ANTXR1: variants seen among roughly 807,000 people sequenced by gnomAD.
ANTXR1 encodes ANTXR cell adhesion molecule 1.
Under a neutral mutation model 78.1 loss-of-function variants are expected in ANTXR1, and 19 were observed. The observed-to-expected ratio is 0.24, with a 90% CI of 0.17 to 0.36. The LOEUF (loss-of-function observed/expected upper bound fraction) is 0.36, where lower values mean the gene tolerates loss of function less well. ANTXR1 is among the 10% of genes least tolerant of loss of function. The pLI is 1.00. For missense variants in ANTXR1, 518 were observed against 718.6 expected, an observed-to-expected ratio of 0.72 and a Z score of 3.19; for synonymous variants, 273 against 260.5, an observed-to-expected ratio of 1.05 and a Z score of -0.46.
intron 12 of ANTXR1, among the ~76,000 whole-genome samples, chr2:69,129,817 A>G (rs10166193): frequency 0.21 from 31,983 of 152,048 alleles, 4,593 homozygotes; most frequent in African/African-American, 0.4. Flanking sequence ...TGTAAATGCC[A>G]TAGGATTTCA....
At chr2:69,031,499 C>G (rs1026164509) in intron 1 of ANTXR1, among the ~76,000 whole-genome samples, 1 of 152,204 alleles carries the variant, frequency 6.6e-6, no homozygotes, top group African/African-American at 2.4e-5. Context: ...CCTCACTGCA[C>G]AGTCTAATTA....
chr2:69,102,751 G>A, intron 9 of ANTXR1, 91 bp from the exon 10 acceptor site: 1 of 1,318,286 alleles, frequency 7.6e-7, no homozygotes, highest in Non-Finnish European at 1.1e-6. Context: ...TAAGCCTGGT[G>A]AAATAGTGAA....
intron 17 of ANTXR1, among the ~76,000 whole-genome samples, chr2:69,215,140 T>TGTG (rs1553376346): frequency 3.3e-5 from 5 of 152,324 alleles, no homozygotes; most frequent in East Asian, 3.9e-4. Context: ...AACTCTGTAT[T>TGTG]CGCCATCTTC....
At chr2:69,047,531 T>C (rs1481760828) in intron 3 of ANTXR1, among the ~76,000 whole-genome samples, 1 of 152,172 alleles carries the variant, frequency 6.6e-6, no homozygotes. Context: ...TTTGATTATT[T>C]GTGTGGGCAT....
chr2:69,016,346 A>T (rs533941975), intron 1 of ANTXR1, among the ~76,000 whole-genome samples: 2 of 152,340 alleles, frequency 1.3e-5, no homozygotes, highest in East Asian at 1.9e-4. Flanking sequence ...AAATGCTTTT[A>T]AAAAATGAGG....
intron 12 of ANTXR1, among the ~76,000 whole-genome samples, chr2:69,127,774 C>T (rs1044803823): frequency 3.9e-5 from 6 of 151,996 alleles, no homozygotes; most frequent in Non-Finnish European, 7.4e-5. Context: ...AGAGAAGAAT[C>T]AAGAATGTCC....
At chr2:69,128,767 A>G (rs1033605147) in intron 12 of ANTXR1, among the ~76,000 whole-genome samples, 6 of 152,346 alleles carry the variant, frequency 3.9e-5, no homozygotes, top group Admixed American at 2.0e-4. Context: ...GCTGGTTTGG[A>G]GGACAAGGTT....
intron 1 of ANTXR1, among the ~76,000 whole-genome samples, chr2:69,014,666 G>C (rs1670968676): frequency 6.6e-6 from 1 of 152,160 alleles, no homozygotes; most frequent in South Asian, 2.1e-4. Flanking sequence ...TTAAAACTGA[G>C]TGAGCTCTCC....
intron 17 of ANTXR1, among the ~76,000 whole-genome samples, chr2:69,234,440 A>G (rs1675701278): frequency 6.6e-6 from 1 of 152,228 alleles, no homozygotes; most frequent in African/African-American, 2.4e-5. Flanking sequence ...AGATGATAAT[A>G]GTTAACATTT....
intron 12 of ANTXR1, among the ~76,000 whole-genome samples, chr2:69,131,180 C>T (rs11897924): frequency 0.19 from 28,817 of 152,086 alleles, 3,206 homozygotes; most frequent in East Asian, 0.42. Context: ...TGGGGCCCCT[C>T]TTTCTGATAT....
At chr2:69,143,618 C>T (rs1052892662) in intron 12 of ANTXR1, among the ~76,000 whole-genome samples, 2 of 151,938 alleles carry the variant, frequency 1.3e-5, no homozygotes, top group African/African-American at 2.4e-5. Flanking sequence ...GACAACCCAT[C>T]GAGAGTTTTA....
chr2:69,050,501 G>T (rs908836797), intron 3 of ANTXR1, among the ~76,000 whole-genome samples: 4 of 148,598 alleles, frequency 2.7e-5, no homozygotes, highest in East Asian at 1.9e-4. Flanking sequence ...GGGAGTAAAC[G>T]GATTACATGA....
intron 12 of ANTXR1, among the ~76,000 whole-genome samples, chr2:69,144,847 G>A (rs924558806): frequency 5.3e-5 from 8 of 152,178 alleles, no homozygotes; most frequent in African/African-American, 9.7e-5. Flanking sequence ...CCACCAGAGA[G>A]GCTTCTGATA....
At chr2:69,096,590 T>C (rs143390908) in intron 9 of ANTXR1, among the ~76,000 whole-genome samples, 7 of 152,090 alleles carry the variant, frequency 4.6e-5, no homozygotes, top group African/African-American at 1.7e-4. Context: ...ACTCCTCCAC[T>C]CTCAGAGGTT....
intron 12 of ANTXR1, among the ~76,000 whole-genome samples, chr2:69,143,754 G>C (rs994218361): frequency 6.6e-6 from 1 of 151,940 alleles, no homozygotes; most frequent in African/African-American, 2.4e-5. Context: ...AATTTTTAAA[G>C]AGGAGGAAAA....
intron 12 of ANTXR1, among the ~76,000 whole-genome samples, chr2:69,147,721 T>C (rs1673267672): frequency 2.6e-5 from 4 of 152,344 alleles, no homozygotes; most frequent in Admixed American, 2.6e-4. Context: ...AATCCCAGTT[T>C]TGTAACATTA....
intron 16 of ANTXR1, among the ~76,000 whole-genome samples, chr2:69,188,471 A>C (rs1674475930): frequency 6.6e-6 from 1 of 152,242 alleles, no homozygotes; most frequent in Admixed American, 6.5e-5. Context: ...AAGAAACCAA[A>C]GCTAGAGTTT....
At chr2:69,047,633 T>G (rs984445545) in intron 3 of ANTXR1, among the ~76,000 whole-genome samples, 9 of 152,108 alleles carry the variant, frequency 5.9e-5, no homozygotes, top group African/African-American at 2.2e-4. Context: ...TTGCAGCTAC[T>G]TGAGTTGGGG....
At chr2:69,094,155 C>T (rs1354366462) in intron 9 of ANTXR1, among the ~76,000 whole-genome samples, 1 of 152,206 alleles carries the variant, frequency 6.6e-6, no homozygotes, top group Non-Finnish European at 1.5e-5. Flanking sequence ...TAGAGCGAGG[C>T]GTAGCCCCTC....
Sources: gnomAD v4.1 joint callset for allele counts (sites outside exome capture counted in the v4.1 genomes callset) on GRCh38, gnomAD v4.1.1 for gene constraint, MANE v1.5 for transcripts, NCBI Gene and HGNC (gene_info 2026-07-23, HGNC 2026-07-21) for gene names.